The following SV2C variants were observed in gnomAD, a reference collection of about 807,000 sequenced individuals.
SV2C encodes synaptic vesicle glycoprotein 2C.
In SV2C, 49 loss-of-function variants were observed where a neutral mutation model predicts 79.7. The ratio of observed to expected loss-of-function variants is 0.61; its 90% CI spans 0.49 to 0.78. The LOEUF is 0.78. SV2C is among the 30% of genes least tolerant of loss of function. The pLI, the probability that SV2C is intolerant of heterozygous loss-of-function variation, is 0.00. For synonymous variants in SV2C, 334 were observed against 333.2 expected (o/e 1.00, Z -0.03); for missense variants, 833 against 912.9 (o/e 0.91, Z 1.13).
At chr5:76,018,926 G>A in the SV2C span, among the ~76,000 whole-genome samples, 7 of 152,128 alleles carry the variant, frequency 4.6e-5, no homozygotes, top group Admixed American at 6.6e-5. Flanking sequence ...GATATAAAAC[G>A]TAACCTGAAA....
In SV2C at chr5:76,295,490, A is replaced by G. The variant is rs543822657; in HGVS notation, c.1338-288A>G. Among the ~76,000 whole-genome samples, 30 of 152,330 alleles carry G rather than the reference A, an allele frequency of 2.0e-4. No homozygotes were observed. The South Asian group carries it at 5.2e-3, about 26-fold the overall frequency. ...GACACATTCAGACCAGGCACCATGT[A>G]TGGGCATAGGATCGGATGCTTTCTG... On this transcript the variant is annotated intron_variant, in intron 8 of 12. Coordinates refer to ENST00000502798, the MANE Select transcript of SV2C (RefSeq NM_014979.4).
chr5:76,170,549 ACTT>A (rs1743190161), intron 2 of SV2C, among the ~76,000 whole-genome samples: 2 of 130,386 alleles, frequency 1.5e-5, no homozygotes, highest in Non-Finnish European at 3.3e-5. Context: ...GAAAATATAC[ACTT>A]CTTGTTGTAG....
Position 76,132,133 on chromosome 5 carries a change from G to A in SV2C, c.383G>A (p.Arg128Lys), listed in dbSNP as rs1298506677. ...CGGCGGGAGCTGGAATCAGAAAGGA[G>A]AGCTGACGAGGAAGAGTTAGCCCAG... is the stretch of plus-strand genomic sequence containing the variant. Reference protein sequence around the residue: ...KDRRELESERRADEEELAQQY... With the variant: ...KDRRELESERKADEEELAQQY... The change falls in exon 2 of 13, where the codon AGA becomes AAA. Residue 128 changes from arginine to lysine, a missense_variant. Coordinates refer to ENST00000502798, the MANE Select transcript of SV2C (RefSeq NM_014979.4). 2 of 1,614,118 alleles carry A rather than the reference G, an allele frequency of 1.2e-6. No individual in the cohort carries two copies. Among genetic ancestry groups the A allele is most frequent in the Admixed American group, 1.7e-5 (1 of 60,022 alleles).
At chr5:76,077,542 C>T in the SV2C span, among the ~76,000 whole-genome samples, 1 of 152,186 alleles carries the variant, frequency 6.6e-6, no homozygotes, top group Non-Finnish European at 1.5e-5. Flanking sequence ...TACCCAAACT[C>T]AGTGTGGCAG....
At chr5:76,180,484 T>C (rs887633749) in intron 2 of SV2C, among the ~76,000 whole-genome samples, 2 of 152,240 alleles carry the variant, frequency 1.3e-5, no homozygotes, top group African/African-American at 2.4e-5. Flanking sequence ...GGCAATCATG[T>C]CCATATTAAT....
intron 3 of SV2C, among the ~76,000 whole-genome samples, chr5:76,196,503 C>T (rs1744275209): frequency 6.6e-6 from 1 of 152,072 alleles, no homozygotes; most frequent in Admixed American, 6.6e-5. Context: ...GGATTATGGA[C>T]TCAAAGGGTT....
At chr5:75,992,777 T>C in the SV2C span, among the ~76,000 whole-genome samples, 3 of 152,170 alleles carry the variant, frequency 2.0e-5, no homozygotes, top group East Asian at 1.9e-4. Context: ...ATGCTGAAAG[T>C]GAAATTTGTA....
the SV2C span, among the ~76,000 whole-genome samples, chr5:75,950,549 C>T: frequency 6.6e-6 from 1 of 151,892 alleles, no homozygotes; most frequent in Non-Finnish European, 1.5e-5. Flanking sequence ...TGTAATGATA[C>T]TACAATTGGT....
At chr5:76,351,079 T>C (rs1402885414) in intron 12 of SV2C, among the ~76,000 whole-genome samples, 2 of 151,790 alleles carry the variant, frequency 1.3e-5, no homozygotes, top group Non-Finnish European at 2.9e-5. Flanking sequence ...TCTGCATCAC[T>C]GGGTCGGTGC....
At chr5:76,020,311 A>G in the SV2C span, among the ~76,000 whole-genome samples, 9 of 152,328 alleles carry the variant, frequency 5.9e-5, no homozygotes, top group East Asian at 1.7e-3. Flanking sequence ...AAGATACTCT[A>G]CAAATGTCTA....
At position 76,327,634 on chromosome 5, in the gene SV2C, G is replaced by A. The variant is rs1322547970; in HGVS notation, c.*2087G>A. On this transcript the variant is annotated 3_prime_UTR_variant, in exon 13 of 13. Transcript: ENST00000502798. ...GAATGCAGCATGTGCAGAAATAACT[G>A]CAAAAGCCAGGAGTGCATCTCCATC... is the stretch of plus-strand genomic sequence containing the variant. 2.6e-5 allele frequency: 4 copies of A among 152,172 alleles called. No homozygotes were observed. Among genetic ancestry groups the A allele is most frequent in the Non-Finnish European group, 5.9e-5 (4 of 68,034 alleles). The allele number at this position is 152,172 out of a possible 1,614,324, so 9.4% of individuals were successfully genotyped here. A position where few individuals can be genotyped will look rare whatever the true frequency, so the allele number is the denominator to read the frequency against.
At chr5:76,132,688 T>A (rs1748941440) in intron 2 of SV2C, among the ~76,000 whole-genome samples, 1 of 152,178 alleles carries the variant, frequency 6.6e-6, no homozygotes, top group South Asian at 2.1e-4. Context: ...TCTTGGAAGT[T>A]AATAATGCTG....
At chr5:76,063,139 G>T in the SV2C span, among the ~76,000 whole-genome samples, 2 of 152,140 alleles carry the variant, frequency 1.3e-5, no homozygotes, top group African/African-American at 4.8e-5. Context: ...TACCCAGTCA[G>T]AAGGCAATTG....
At chr5:76,149,323 GC>G (rs1580307741) in intron 2 of SV2C, among the ~76,000 whole-genome samples, 2 of 152,110 alleles carry the variant, frequency 1.3e-5, no homozygotes, top group Admixed American at 1.3e-4. Flanking sequence ...CTAGACCAGT[GC>G]CCCCCAGACA....
At chr5:76,091,615 C>T (rs990115950) in intron 1 of SV2C, 2 of 152,164 alleles carry the variant, frequency 1.3e-5, no homozygotes, top group African/African-American at 4.8e-5. Flanking sequence ...CAGTTCCCCT[C>T]TCTAATGCAG....
chr5:75,944,705 C>T, the SV2C span, among the ~76,000 whole-genome samples: 4 of 152,130 alleles, frequency 2.6e-5, no homozygotes, highest in Non-Finnish European at 4.4e-5. Context: ...CAGAAGAACT[C>T]TGGCAGAAAT....
intron 10 of SV2C, among the ~76,000 whole-genome samples, chr5:76,299,975 C>CTT (rs1747924971): frequency 2.0e-5 from 3 of 152,024 alleles, no homozygotes; most frequent in African/African-American, 7.3e-5. Context: ...TGCACATAGA[C>CTT]TTTAAATTAT....
intron 4 of SV2C, among the ~76,000 whole-genome samples, chr5:76,219,947 C>T (rs1019408595): frequency 1.3e-5 from 2 of 152,156 alleles, no homozygotes; most frequent in Non-Finnish European, 2.9e-5. Flanking sequence ...GGTAGGTTAT[C>T]TTAGGCACCT....
downstream of SV2C, among the ~76,000 whole-genome samples, chr5:76,336,891 G>A (rs1282792730): frequency 6.6e-6 from 1 of 152,204 alleles, no homozygotes; most frequent in Admixed American, 6.5e-5. Flanking sequence ...GGATGCTGGG[G>A]TGCAGATAAC....
Sources: gnomAD v4.1 joint callset for allele counts (sites outside exome capture counted in the v4.1 genomes callset) on GRCh38, gnomAD v4.1.1 for gene constraint, MANE v1.5 for transcripts, NCBI Gene and HGNC (gene_info 2026-07-23, HGNC 2026-07-21) for gene names.